Variants in PATJ observed in about 807,000 individuals in gnomAD.
PATJ encodes inaD-like protein.
A neutral mutation model predicts 224.9 loss-of-function variants in PATJ; 190 were observed. The ratio of observed to expected loss-of-function variants is 0.84; its 90% confidence interval spans 0.75 to 0.95. The LOEUF is 0.95. PATJ is among the 40% of genes least tolerant of loss of function. The probability of loss-of-function intolerance (pLI) is 0.00; values close to 1 mark genes in which losing one functional copy is unlikely to be tolerated. For missense variants in PATJ, 2,121 were observed against 2,270.3 expected (o/e 0.93, Z 1.34); for synonymous variants, 769 against 820.3 (o/e 0.94, Z 1.07).
intron 17 of PATJ, 115 bp downstream of exon 17, chr1:61,833,900 A>ATCTT: frequency 1.2e-6 from 1 of 819,048 alleles, no homozygotes; most frequent in Non-Finnish European, 1.9e-6. Flanking sequence ...AATCCCAAAG[A>ATCTT]TGGGATATTA....
At chr1:61,824,167 C>T (rs909838838) in intron 15 of PATJ, among the ~76,000 whole-genome samples, 7 of 151,526 alleles carry the variant, frequency 4.6e-5, no homozygotes, top group Non-Finnish European at 7.4e-5. Flanking sequence ...GTAGTTATTA[C>T]GTATTGAGAA....
intron 32 of PATJ, among the ~76,000 whole-genome samples, chr1:62,084,029 G>A (rs1158367997): frequency 2.0e-5 from 3 of 152,098 alleles, no homozygotes; most frequent in African/African-American, 7.2e-5. Context: ...CAAGGCGGGC[G>A]GATCACCTGA....
chr1:62,122,385 A>G (rs951482865), intron 38 of PATJ, among the ~76,000 whole-genome samples: 15 of 145,414 alleles, frequency 1.0e-4, no homozygotes, highest in Non-Finnish European at 1.9e-4. Flanking sequence ...AAAAAAAAAA[A>G]CCACACACAC....
chr1:61,957,614 A>G (rs79802016), intron 27 of PATJ, among the ~76,000 whole-genome samples: 1,842 of 152,268 alleles, frequency 0.012, 27 homozygotes, highest in South Asian at 0.056. Flanking sequence ...AAAGAGTAGA[A>G]GTTTTCCACT....
chr1:62,081,399 A>G (rs1659261001), intron 32 of PATJ, among the ~76,000 whole-genome samples: 1 of 152,170 alleles, frequency 6.6e-6, no homozygotes, highest in Non-Finnish European at 1.5e-5. Flanking sequence ...GCTGGATTCC[A>G]TGAGAGAAGT....
intron 29 of PATJ, among the ~76,000 whole-genome samples, chr1:62,021,215 T>C (rs938748086): frequency 6.6e-6 from 1 of 152,186 alleles, no homozygotes; most frequent in Admixed American, 6.5e-5. Context: ...GCCCACTTCC[T>C]GTTTCATAGA....
chr1:61,924,002 T>C (rs2149271684), intron 26 of PATJ, among the ~76,000 whole-genome samples: 1 of 152,202 alleles, frequency 6.6e-6, no homozygotes, highest in African/African-American at 2.4e-5. Context: ...TCTAGTTTTG[T>C]TCTAGTTTGC....
rs1306728465 is a variant in PATJ, at chr1:62,081,526, A to T, written c.4243+1959A>T. Among the ~76,000 whole-genome samples the T allele has an allele frequency of 2.0e-5, 3 of 152,124 alleles. No homozygotes were observed. The East Asian group carries it at 5.8e-4, about 29-fold the overall frequency. ...TTTCTCTCTTCTCACTCAGGAGACT[A>T]CGCTAGTCATTTACAAAGGCAGTAT... On this transcript the variant is annotated intron_variant, in intron 32 of 43. Transcript: ENST00000642238.
chr1:61,980,471 G>A, intron 27 of PATJ, among the ~76,000 whole-genome samples: 1 of 133,370 alleles, frequency 7.5e-6, no homozygotes, highest in East Asian at 2.0e-4. Context: ...GTGTGTGTGT[G>A]TGTGTGTGGT....
Position 62,108,540 on chromosome 1 carries a change from AT to A in PATJ, c.4461+24del. The A allele has an allele frequency of 6.8e-7, 1 of 1,475,048 alleles. No homozygotes were observed. Among genetic ancestry groups the A allele is most frequent in the Non-Finnish European group, 9.4e-7 (1 of 1,061,140 alleles). 91.4% of individuals were successfully genotyped at this position (1,475,048 alleles called of 1,614,324 possible). A position where few individuals can be genotyped will look rare whatever the true frequency, so the allele number is the denominator to read the frequency against. ...TTAGAGGTATATGGTTTTGAATTTT[AT>A]TTTATATCAGTAAATGTGGTTCCTT... On this transcript the variant is annotated intron_variant, in intron 34 of 43. Coordinates refer to ENST00000642238, the MANE Select transcript of PATJ (RefSeq NM_001350145.3).
At position 61,965,121 on chromosome 1, in the gene PATJ, C is replaced by CAAAAA. The variant is rs34267345; in HGVS notation, c.3671-25011_3671-25007dup. 9.4e-3 allele frequency among the ~76,000 whole-genome samples: 510 copies of CAAAAA among 54,334 alleles called. 118 individuals carry two copies. The highest frequency in any genetic ancestry group is 0.013 in the East Asian group (6 of 478). The allele number at this position is 54,334 out of a possible 152,430, so 35.6% of individuals were successfully genotyped here. On this transcript the variant is annotated intron_variant, in intron 27 of 43. Transcript: ENST00000642238. Reference sequence around the variant, plus strand: ...TGGGCCACTGAAGGAGACTCTGTCTCAAAAAAAAAAAAAAAAAAAAAAAAA... The same window carrying CAAAAA: ...TGGGCCACTGAAGGAGACTCTGTCTCAAAAAAAAAAAAAAAAAAAAAAAAAAAAAA...
intron 14 of PATJ, among the ~76,000 whole-genome samples, chr1:61,814,386 G>A (rs764675326): frequency 4.0e-5 from 6 of 151,806 alleles, no homozygotes; most frequent in Non-Finnish European, 7.4e-5. Flanking sequence ...CAGGTGATCC[G>A]CCCACCTTGG....
In PATJ at chr1:62,092,943, A is replaced by G. The variant is rs920101639; in HGVS notation, c.4377+8295A>G. Among the ~76,000 whole-genome samples the G allele has an allele frequency of 5.9e-5, 9 of 151,760 alleles. No individual in the cohort carries two copies. The East Asian group carries it at 7.9e-4, about 13-fold the overall frequency. Reference sequence around the variant, plus strand: ...TTTTTAGTAGAGATGGAGTTTCACCATGTTACCCAGGCTAGTCTCAAACTC... The same window carrying G: ...TTTTTAGTAGAGATGGAGTTTCACCGTGTTACCCAGGCTAGTCTCAAACTC... On this transcript the variant is annotated intron_variant, in intron 33 of 43. Coordinates refer to ENST00000642238, the MANE Select transcript of PATJ (RefSeq NM_001350145.3).
rs78403985 is a variant in PATJ, at chr1:62,107,676, G to A, written c.4378-761G>A. 6.0e-3 allele frequency among the ~76,000 whole-genome samples: 910 copies of A among 152,008 alleles called. 13 individuals carry two copies. Among genetic ancestry groups the A allele is most frequent in the African/African-American group, 0.021 (864 of 41,436 alleles). ...ATTTTTGTGCTTTGCAACAACCTGT[G>A]GTAGTATTACTTGAATCCTATACGT... On this transcript the variant is annotated intron_variant, in intron 33 of 43. Transcript: ENST00000642238.
At chr1:61,943,292 G>A (rs1678106269) in intron 27 of PATJ, among the ~76,000 whole-genome samples, 1 of 152,170 alleles carries the variant, frequency 6.6e-6, no homozygotes, top group Non-Finnish European at 1.5e-5. Flanking sequence ...AGCAGGGCGG[G>A]GCATCGCCTC....
chr1:62,109,024 T>C (rs1663477766), intron 34 of PATJ, among the ~76,000 whole-genome samples: 1 of 152,200 alleles, frequency 6.6e-6, no homozygotes, highest in African/African-American at 2.4e-5. Flanking sequence ...CTATGATGCT[T>C]ACTAAAAATT....
chr1:62,155,826 G>A (rs529633201), intron 43 of PATJ, among the ~76,000 whole-genome samples: 2 of 151,958 alleles, frequency 1.3e-5, no homozygotes, highest in South Asian at 4.2e-4. Context: ...GGGAGGCCGA[G>A]GCAGGCAGAT....
At chr1:62,022,078 A>T (rs1313309157) in intron 29 of PATJ, among the ~76,000 whole-genome samples, 1 of 152,204 alleles carries the variant, frequency 6.6e-6, no homozygotes, top group Non-Finnish European at 1.5e-5. Flanking sequence ...TGGAAATGGG[A>T]ACTGGCCACA....
intron 27 of PATJ, among the ~76,000 whole-genome samples, chr1:61,977,973 G>A (rs77726466): frequency 0.027 from 4,069 of 151,638 alleles, 85 homozygotes; most frequent in Middle Eastern, 0.058. Flanking sequence ...ATAGTTTGCT[G>A]TATTTTCACA....
Sources: gnomAD v4.1 joint callset for allele counts (sites outside exome capture counted in the v4.1 genomes callset) on GRCh38, gnomAD v4.1.1 for gene constraint, MANE v1.5 for transcripts, NCBI Gene and HGNC (gene_info 2026-07-23, HGNC 2026-07-21) for gene names.